The following ETV5 variants were observed in gnomAD, a reference collection of about 807,000 sequenced individuals.
ETV5 encodes ETS translocation variant 5.
In ETV5, 10 loss-of-function variants were observed where a neutral mutation model predicts 70.0. The observed-to-expected ratio is 0.14, with a 90% CI of 0.09 to 0.24. The LOEUF is 0.24. Among genes scored for constraint, ETV5 ranks in the 10% least tolerant of loss-of-function variants. The probability of loss-of-function intolerance (pLI) is 1.00; values close to 1 mark genes in which losing one functional copy is unlikely to be tolerated. For synonymous variants in ETV5, 216 were observed against 242.2 expected (o/e 0.89, Z 1.01); for missense variants, 453 against 651.2 (o/e 0.70, Z 3.31).
intron 5 of ETV5, 98 bp from the exon 6 acceptor site, chr3:186,081,273 G>A (rs1374693698): frequency 2.4e-6 from 3 of 1,268,268 alleles, no homozygotes; most frequent in Non-Finnish European, 3.2e-6. Context: ...CTAGCTGATT[G>A]TTCTTGGAAC....
At chr3:186,077,384 TC>T (rs1713821788) in intron 7 of ETV5, among the ~76,000 whole-genome samples, 2 of 152,224 alleles carry the variant, frequency 1.3e-5, no homozygotes, top group Admixed American at 1.3e-4. Flanking sequence ...GACTGTAATT[TC>T]TATTACTTTT....
chr3:186,106,293 T>C (rs1053982568), intron 1 of ETV5, among the ~76,000 whole-genome samples: 1 of 152,198 alleles, frequency 6.6e-6, no homozygotes, highest in African/African-American at 2.4e-5. Context: ...TCCAGGGCAT[T>C]TGTAGTAGGG....
At chr3:186,069,775 A>G (rs1294578837) in intron 7 of ETV5, among the ~76,000 whole-genome samples, 2 of 152,080 alleles carry the variant, frequency 1.3e-5, no homozygotes, top group African/African-American at 2.4e-5. Flanking sequence ...CTGGGATTAC[A>G]GGCAAAAGCC....
chr3:186,108,491 G>T (rs1425887748), intron 1 of ETV5: 9 of 1,283,530 alleles, frequency 7.0e-6, no homozygotes, highest in Non-Finnish European at 8.1e-6. Context: ...GCTCTGGGGG[G>T]CAGCGCCTCT....
chr3:186,072,605 A>G (rs1366508015), intron 7 of ETV5, among the ~76,000 whole-genome samples: 1 of 152,180 alleles, frequency 6.6e-6, no homozygotes, highest in Non-Finnish European at 1.5e-5. Flanking sequence ...ACTGTCCCTA[A>G]ACGTACACCA....
intron 5 of ETV5, among the ~76,000 whole-genome samples, chr3:186,084,512 T>A (rs2150150555): frequency 6.6e-6 from 1 of 152,242 alleles, no homozygotes; most frequent in South Asian, 2.1e-4. Flanking sequence ...GTATCTTCGA[T>A]GGGCCAGGTA....
Position 186,060,341 on chromosome 3 carries a change from G to A in ETV5, c.971-2850C>T, listed in dbSNP as rs148294250. 4.3e-3 allele frequency among the ~76,000 whole-genome samples: 648 copies of A among 152,268 alleles called. 4 individuals carry two copies. The highest frequency in any genetic ancestry group is 0.014 in the African/African-American group (600 of 41,546). On this transcript the variant is annotated intron_variant, in intron 9 of 12. Coordinates refer to ENST00000306376, the MANE Select transcript of ETV5 (RefSeq NM_004454.3). ...GTGTATCTTGTGGTTTCTAGTCATC[G>A]CCACATGTGGTCCTCTACACCATCT...
intron 5 of ETV5, among the ~76,000 whole-genome samples, chr3:186,081,537 A>C (rs532962860): frequency 2.0e-5 from 3 of 152,322 alleles, no homozygotes; most frequent in Non-Finnish European, 4.4e-5. Flanking sequence ...GTTTCCAAAA[A>C]GGACAAAACG....
chr3:186,080,956 G>C, intron 6 of ETV5, 90 bp downstream of exon 6: 2 of 1,462,050 alleles, frequency 1.4e-6, no homozygotes, highest in South Asian at 2.7e-5. Flanking sequence ...GGTCTGCTGG[G>C]TAAGTAACAC....
intron 9 of ETV5, among the ~76,000 whole-genome samples, chr3:186,062,208 T>C (rs1713321061): frequency 6.6e-6 from 1 of 152,210 alleles, no homozygotes. Flanking sequence ...GCTATAGAGA[T>C]GACATTGGCT....
intron 9 of ETV5, among the ~76,000 whole-genome samples, chr3:186,062,490 C>T (rs371939202): frequency 6.6e-5 from 10 of 152,214 alleles, no homozygotes; most frequent in South Asian, 2.1e-4. Context: ...GGCGTGGTGG[C>T]GCGCGCCTGT....
rs1367950480 is a variant in ETV5 at position 186,105,494 on chromosome 3, G to A, written c.136C>T (p.Leu46=). Residue 46 remains leucine (L), a splice_region_variant and synonymous_variant, in exon 4 of 13, where the codon CTA becomes TTA. Coordinates refer to ENST00000306376, the MANE Select transcript of ETV5 (RefSeq NM_004454.3). The surrounding 1 kb of genome is among the most constrained non-coding windows in gnomAD (Gnocchi z 4.5). ...TGAAGTTGACTGAGATCCTGAAATA[G>A]CTCTGAAATTGAAAAAGAAGACCCC... The part of the protein sequence containing the change: ...DTDLAHDSEE[L]FQDLSQLQEA... The A allele has an allele frequency of 6.2e-7, 1 of 1,614,140 alleles. No homozygotes were observed. The highest frequency in any genetic ancestry group is 2.2e-5 in the East Asian group (1 of 44,892).
Position 186,048,810 on chromosome 3 carries a change from G to C in ETV5, c.1362C>G (p.Leu454=), listed in dbSNP as rs1712947166. The change falls in exon 13 of 13, where the codon CTC becomes CTG. Residue 454 remains leucine (L), a synonymous_variant. Coordinates refer to ENST00000306376, the MANE Select transcript of ETV5 (RefSeq NM_004454.3). The stretch of plus-strand genomic sequence containing the variant: ...GGTTATCCGGGAAAGCCATGGAGAA[G>C]AGGGCATCTGGGTCACAGACAAATT... ...VYKFVCDPDA[L]FSMAFPDNQR... 3.1e-6 allele frequency: 5 copies of C among 1,614,130 alleles called. No individual in the cohort carries two copies. Among genetic ancestry groups the C allele is most frequent in the Non-Finnish European group, 4.2e-6 (5 of 1,180,006 alleles).
intron 8 of ETV5, among the ~76,000 whole-genome samples, chr3:186,064,858 C>T (rs945524914): frequency 2.0e-5 from 3 of 152,232 alleles, no homozygotes; most frequent in African/African-American, 4.8e-5. Flanking sequence ...AGGGTGGGAA[C>T]GGGAAGAGGA....
chr3:186,064,635 G>T, intron 8 of ETV5, 159 bp from the exon 9 acceptor site: 1 of 683,552 alleles, frequency 1.5e-6, no homozygotes, highest in Non-Finnish European at 2.6e-6. Flanking sequence ...ACACCAATAA[G>T]CAAGATGGCA....
At chr3:186,096,424 G>A (rs1714304684) in intron 5 of ETV5, among the ~76,000 whole-genome samples, 1 of 152,076 alleles carries the variant, frequency 6.6e-6, no homozygotes, top group Non-Finnish European at 1.5e-5. Context: ...GCATTTCCAG[G>A]CACTCAGCTG....
intron 5 of ETV5, among the ~76,000 whole-genome samples, chr3:186,099,067 G>T (rs1714384708): frequency 6.6e-6 from 1 of 152,130 alleles, no homozygotes; most frequent in African/African-American, 2.4e-5. Context: ...TTTTAAACAA[G>T]GGAGCCCCCT....
chr3:186,081,153 T>G lies in ETV5; in HGVS notation c.255A>C (p.Pro85=). 1.9e-6 allele frequency: 3 copies of G among 1,613,408 alleles called. No individual in the cohort carries two copies. The highest frequency in any genetic ancestry group is 2.5e-6 in the Non-Finnish European group (3 of 1,179,626). The change falls in exon 6 of 13, where the codon CCA becomes CCC. Residue 85 remains proline (P), a synonymous_variant. Coordinates refer to ENST00000306376, the MANE Select transcript of ETV5 (RefSeq NM_004454.3). ...SDNLVLHAPP[P]TKIKRELHSP... is the part of the protein sequence containing the mutation. Reference sequence around the variant, plus strand: ...TGTGCAGCTCCCGTTTGATCTTGGTTGGAGGTGGGGCATGAAGCACCACTG... The same window carrying G: ...TGTGCAGCTCCCGTTTGATCTTGGTGGGAGGTGGGGCATGAAGCACCACTG...
At chr3:186,108,911 T>C in intron 1 of ETV5, 29 bp downstream of exon 1, 1 of 161,426 alleles carries the variant, frequency 6.2e-6, no homozygotes, top group Non-Finnish European at 1.4e-5. Context: ...CCTTCCGATC[T>C]CCCCCCTGCC....
Sources: allele counts gnomAD v4.1 joint callset (sites outside exome capture counted in the v4.1 genomes callset), GRCh38; gene constraint gnomAD v4.1.1; non-coding constraint Gnocchi (gnomAD v3.1); transcripts MANE v1.5; gene names NCBI Gene and HGNC (gene_info 2026-07-23, HGNC 2026-07-21).